The following SLC35D1 variants were observed in gnomAD, a reference collection of about 807,000 sequenced individuals.
SLC35D1 encodes the protein solute carrier family 35 member D1.
SLC35D1 carries 31 observed loss-of-function variants against 46.7 expected under a neutral mutation model. The ratio of observed to expected loss-of-function variants is 0.66; its 90% confidence interval spans 0.50 to 0.90. The LOEUF (loss-of-function observed/expected upper bound fraction) is 0.90, where lower values mean the gene tolerates loss of function less well. Among genes scored for constraint, SLC35D1 ranks in the 40% least tolerant of loss-of-function variants. The probability of loss-of-function intolerance (pLI) is 0.00; values close to 1 mark genes in which losing one functional copy is unlikely to be tolerated. For synonymous variants in SLC35D1, 195 were observed against 164.6 expected (o/e 1.18, Z -1.41); for missense variants, 397 against 426.2 (o/e 0.93, Z 0.60).
the SLC35D1 span, among the ~76,000 whole-genome samples, chr1:66,990,339 A>G: frequency 8.5e-5 from 13 of 152,228 alleles, no homozygotes; most frequent in Non-Finnish European, 2.9e-5. Flanking sequence ...CAGTGGTATG[A>G]TCACTGCTCA....
chr1:67,001,770 T>A lies in SLC35D1; in HGVS notation c.*2570A>T, dbSNP rs1444247867. 1.3e-5 allele frequency: 2 copies of A among 152,452 alleles called. No individual in the cohort carries two copies. Among genetic ancestry groups the A allele is most frequent in the Admixed American group, 6.5e-5 (1 of 15,278 alleles). The allele number at this position is 152,452 out of a possible 1,614,324, so 9.4% of individuals were successfully genotyped here. A position where few individuals can be genotyped will look rare whatever the true frequency, so the allele number is the denominator to read the frequency against. ...CCAAAAGACTATTCAGTCTCCAGCT[T>A]GTTCACCCTGCTCCATCTTGCAATG... On this transcript the variant is annotated 3_prime_UTR_variant, in exon 12 of 12. Coordinates refer to ENST00000235345, the MANE Select transcript of SLC35D1 (RefSeq NM_015139.3).
chr1:67,038,854 A>AC (rs1558162811), intron 8 of SLC35D1, among the ~76,000 whole-genome samples: 16,783 of 127,926 alleles, frequency 0.13, 1,021 homozygotes, highest in Non-Finnish European at 0.15. Context: ...CACACACACA[A>AC]ACACACACAC....
the SLC35D1 span, chr1:66,986,320 A>T: frequency 3.3e-6 from 5 of 1,533,738 alleles, no homozygotes; most frequent in Admixed American, 6.3e-5. Flanking sequence ...TTCTTGTTAA[A>T]TAATGTAGTT....
Position 67,021,625 on chromosome 1 carries a change from A to G in SLC35D1, c.730-23T>C, listed in dbSNP as rs1211042554. On this transcript the variant is annotated intron_variant, in intron 8 of 11. Transcript: ENST00000235345. ...AGCCTGCAACACACAAGAAAGCATT[A>G]AATTTTAGACCAGGCCTTCAAAATC... 10 of 1,613,106 alleles carry G rather than the reference A, an allele frequency of 6.2e-6. No individual in the cohort carries two copies. In the Admixed American group the frequency reaches 1.7e-4, roughly 27 times the overall value.
At position 67,000,870 on chromosome 1, in the gene SLC35D1, T is replaced by G. The variant is rs1025336224; in HGVS notation, c.*3470A>C. On this transcript the variant is annotated 3_prime_UTR_variant, in exon 12 of 12. Transcript: ENST00000235345. ...CTCAGAGCTAGAAGATTAACTAATA[T>G]GAGTTACAAAAGTCCTCTCGGATTA... The G allele has an allele frequency of 6.6e-6, 1 of 152,312 alleles. No homozygotes were observed. The highest frequency in any genetic ancestry group is 6.5e-5 in the Admixed American group (1 of 15,278). 9.4% of individuals were successfully genotyped at this position (152,312 alleles called of 1,614,324 possible).
Position 67,054,096 on chromosome 1 carries a change from T to C in SLC35D1, c.-83A>G, listed in dbSNP as rs1570650976. The stretch of plus-strand genomic sequence containing the variant: ...GGCAGCTCCCAGGGGACTCCAGGAG[T>C]TGGGGACCGCAGACTAGGCCAGCTG... On this transcript the variant is annotated 5_prime_UTR_variant, in exon 1 of 12. Coordinates refer to ENST00000235345, the MANE Select transcript of SLC35D1 (RefSeq NM_015139.3). The C allele has an allele frequency of 1.4e-6, 2 of 1,427,426 alleles. No individual in the cohort carries two copies. The highest frequency in any genetic ancestry group is 1.2e-5 in the South Asian group (1 of 82,806). The allele number at this position is 1,427,426 out of a possible 1,614,324, so 88.4% of individuals were successfully genotyped here.
intron 11 of SLC35D1, among the ~76,000 whole-genome samples, chr1:67,007,083 C>G (rs1246741211): frequency 6.6e-6 from 1 of 152,152 alleles, no homozygotes; most frequent in African/African-American, 2.4e-5. Flanking sequence ...TCTCCCCTAC[C>G]TTCCCTGTCA....
intron 8 of SLC35D1, among the ~76,000 whole-genome samples, chr1:67,028,354 T>G (rs1425412132): frequency 6.6e-6 from 1 of 152,218 alleles, no homozygotes; most frequent in Non-Finnish European, 1.5e-5. Flanking sequence ...TAGATCAAGC[T>G]TGTTGACAGT....
In SLC35D1 at chr1:67,047,247, C is replaced by T; in HGVS notation, c.636+18G>A. 1 of 1,589,242 alleles carries T rather than the reference C, an allele frequency of 6.3e-7. No individual in the cohort carries two copies. Among genetic ancestry groups the T allele is most frequent in the Non-Finnish European group, 8.6e-7 (1 of 1,159,288 alleles). Reference sequence around the variant, plus strand: ...CAACATCAGTACACAACTGTTAAAGCTTTAGATTGCTACTTACTTTTGAAT... The same window carrying T: ...CAACATCAGTACACAACTGTTAAAGTTTTAGATTGCTACTTACTTTTGAAT... On this transcript the variant is annotated intron_variant, in intron 7 of 11. Transcript: ENST00000235345.
intron 10 of SLC35D1, among the ~76,000 whole-genome samples, chr1:67,017,776 C>T (rs993749613): frequency 6.6e-6 from 1 of 152,162 alleles, no homozygotes; most frequent in African/African-American, 2.4e-5. Context: ...GCCTAGTGTA[C>T]CTACAATGCC....
At position 67,004,280 on chromosome 1, in the gene SLC35D1, G is replaced by C. The variant is rs1423790749; in HGVS notation, c.*60C>G. The C allele has an allele frequency of 8.0e-6, 11 of 1,373,574 alleles. No homozygotes were observed. Among genetic ancestry groups the C allele is most frequent in the Non-Finnish European group, 1.1e-5 (11 of 961,818 alleles). The allele number at this position is 1,373,574 out of a possible 1,614,324, so 85.1% of individuals were successfully genotyped here. A position where few individuals can be genotyped will look rare whatever the true frequency, so the allele number is the denominator to read the frequency against. The stretch of plus-strand genomic sequence containing the variant: ...ACACCTCAGTGTCTCTGTAGGAACT[G>C]CCAGTGTTCTGAGTTGATTAAAAAC... On this transcript the variant is annotated 3_prime_UTR_variant, in exon 12 of 12. Coordinates refer to ENST00000235345, the MANE Select transcript of SLC35D1 (RefSeq NM_015139.3).
intron 11 of SLC35D1, among the ~76,000 whole-genome samples, chr1:67,006,563 A>G (rs1287791345): frequency 6.6e-6 from 1 of 152,190 alleles, no homozygotes; most frequent in Non-Finnish European, 1.5e-5. Context: ...CATTAATCCT[A>G]TTTAAACTGG....
intron 10 of SLC35D1, among the ~76,000 whole-genome samples, chr1:67,019,232 G>A (rs1033336297): frequency 6.6e-6 from 1 of 152,036 alleles, no homozygotes; most frequent in Admixed American, 6.6e-5. Context: ...TCACATTCTC[G>A]CTACTCTTAT....
Position 67,007,370 on chromosome 1 carries a change from C to T in SLC35D1, c.959+1715G>A, listed in dbSNP as rs117616894. ...GGCACTAATCTCATTCATGAGGATG[C>T]CAATTCCATGACCTAATCACCTCCC... On this transcript the variant is annotated intron_variant, in intron 11 of 11. Transcript: ENST00000235345. 4.6e-5 allele frequency among the ~76,000 whole-genome samples: 7 copies of T among 152,156 alleles called. No individual in the cohort carries two copies. The East Asian group carries it at 1.4e-3, about 29-fold the overall frequency.
intron 10 of SLC35D1, among the ~76,000 whole-genome samples, chr1:67,019,009 G>A (rs1667741006): frequency 6.6e-6 from 1 of 152,148 alleles, no homozygotes; most frequent in Non-Finnish European, 1.5e-5. Flanking sequence ...CCTGGAATGA[G>A]TAAATCCATG....
the SLC35D1 span, chr1:66,985,855 C>T: frequency 1.3e-6 from 1 of 786,120 alleles, no homozygotes; most frequent in East Asian, 1.3e-4. Flanking sequence ...TACTTAAGGG[C>T]AAGTAATTTG....
Position 67,030,990 on chromosome 1 carries a change from C to T in SLC35D1, c.730-9388G>A, listed in dbSNP as rs146546923. On this transcript the variant is annotated intron_variant, in intron 8 of 11. Coordinates refer to ENST00000235345, the MANE Select transcript of SLC35D1 (RefSeq NM_015139.3). ...TACTTTAGGTCACACAGGTTATATA[C>T]GGTAAACATGAGTCTACATATGCTA... 4.3e-3 allele frequency among the ~76,000 whole-genome samples: 661 copies of T among 152,236 alleles called. 21 individuals carry two copies. Among genetic ancestry groups the T allele is most frequent in the Admixed American group, 0.04 (614 of 15,272 alleles).
Position 67,004,128 on chromosome 1 carries a change from T to C in SLC35D1, c.*212A>G. On this transcript the variant is annotated 3_prime_UTR_variant, in exon 12 of 12. Coordinates refer to ENST00000235345, the MANE Select transcript of SLC35D1 (RefSeq NM_015139.3). ...AGTACCTTTTCCAGTCTGATATAAA[T>C]TAATTCAAACAACATATTTAAAATA... The C allele has an allele frequency of 1.9e-6, 1 of 534,564 alleles. No homozygotes were observed. Among genetic ancestry groups the C allele is most frequent in the Non-Finnish European group, 3.4e-6 (1 of 296,428 alleles). 33.1% of individuals were successfully genotyped at this position (534,564 alleles called of 1,614,324 possible). A position where few individuals can be genotyped will look rare whatever the true frequency, so the allele number is the denominator to read the frequency against.
At chr1:67,051,657 G>A (rs1474548896) in intron 4 of SLC35D1, among the ~76,000 whole-genome samples, 1 of 152,078 alleles carries the variant, frequency 6.6e-6, no homozygotes, top group Non-Finnish European at 1.5e-5. Context: ...AAATATTTAT[G>A]AACTATACTA....
Sources: allele counts gnomAD v4.1 joint callset (sites outside exome capture counted in the v4.1 genomes callset), GRCh38; gene constraint gnomAD v4.1.1; transcripts MANE v1.5; gene names NCBI Gene and HGNC (gene_info 2026-07-23, HGNC 2026-07-21).